The following NOP16 variants were observed in gnomAD, a reference collection of about 807,000 sequenced individuals.
NOP16 encodes NOP16 nucleolar protein.
In NOP16, 14 loss-of-function variants were observed where a neutral mutation model predicts 22.7. The observed-to-expected ratio is 0.62, with a 90% CI of 0.41 to 0.97. The LOEUF (loss-of-function observed/expected upper bound fraction) is 0.97. Ranked by LOEUF, NOP16 falls within the 50% of genes least tolerant of loss-of-function variation. NOP16 has a pLI of 0.00. For missense variants in NOP16, 198 were observed against 235.9 expected (o/e 0.84, Z 1.05); for synonymous variants, 80 against 83.6 (o/e 0.96, Z 0.23).
chr5:176,388,105 G>T, intron 2 of NOP16, 130 bp downstream of exon 2: 1 of 664,464 alleles, frequency 1.5e-6, no homozygotes. Flanking sequence ...TGAGCGTTCT[G>T]ACTGTGGGGA....
intron 3 of NOP16, chr5:176,386,094 CCTGT>C (rs1755824529): frequency 6.5e-6 from 1 of 152,674 alleles, no homozygotes. Context: ...GTTTTAGGGA[CCTGT>C]TGCACAACAA....
Position 176,388,480 on chromosome 5 carries a change from C to T in NOP16, c.60G>A (p.Lys20=). 1 of 1,614,260 alleles carries T rather than the reference C, an allele frequency of 6.2e-7. No individual in the cohort carries two copies. The highest frequency in any genetic ancestry group is 8.5e-7 in the Non-Finnish European group (1 of 1,180,050). The change falls in exon 1 of 5, where the codon AAG becomes AAA. Residue 20 remains lysine (K), a synonymous_variant. Coordinates refer to ENST00000614830, the MANE Select transcript of NOP16 (RefSeq NM_016391.8). Reference sequence around the variant, plus strand: ...TCCGTCGAGCATTCCGGTTCAGACGCTTTCGGTTGACACTGTAACCAAACT... The same window carrying T: ...TCCGTCGAGCATTCCGGTTCAGACGTTTTCGGTTGACACTGTAACCAAACT... ...RQKFGYSVNR[K]RLNRNARRKA... is the part of the protein sequence containing the mutation.
At chr5:176,384,434 C>T (rs1253560170) in intron 4 of NOP16, 60 bp from the exon 5 acceptor site, 5 of 1,531,120 alleles carry the variant, frequency 3.3e-6, no homozygotes, top group Non-Finnish European at 4.4e-6. Flanking sequence ...AATCTGAACT[C>T]ATCCTGAATT....
chr5:176,388,256 CGCCCTGTTGGGGTCCACA>C lies in NOP16; in HGVS notation c.177_194del (p.Asp61_Val66del), dbSNP rs1756053280. On this transcript the variant is annotated inframe_deletion, in exon 2 of 5. Transcript: ENST00000614830. Reference sequence around the variant, plus strand: ...GTACCTTTCTCTTACGGAGGGGCACCGCCCTGTTGGGGTCCACAGCCAACCCCATCTCGGCCAGGTTCT... The same window carrying C: ...GTACCTTTCTCTTACGGAGGGGCACCGCCAACCCCATCTCGGCCAGGTTCT... 1 of 1,612,964 alleles carries C rather than the reference CGCCCTGTTGGGGTCCACA, an allele frequency of 6.2e-7. No individual in the cohort carries two copies. The highest frequency in any genetic ancestry group is 8.5e-7 in the Non-Finnish European group (1 of 1,179,100).
At chr5:176,384,908 A>C (rs539773040) in intron 4 of NOP16, 1 of 548,030 alleles carries the variant, frequency 1.8e-6, no homozygotes, top group Non-Finnish European at 3.2e-6. Flanking sequence ...TCAACTGTTA[A>C]AGGAAGCCAA....
chr5:176,388,381 G>A (rs758108765), intron 1 of NOP16, 38 bp from the exon 2 acceptor site: 1 of 1,612,620 alleles, frequency 6.2e-7, no homozygotes, highest in South Asian at 1.1e-5. Flanking sequence ...CCGTCATCTC[G>A]CGGACCGTCC....
At chr5:176,385,644 G>A (rs1755781311) in intron 3 of NOP16, among the ~76,000 whole-genome samples, 1 of 152,212 alleles carries the variant, frequency 6.6e-6, no homozygotes, top group Admixed American at 6.5e-5. Context: ...GCAGGTCTCA[G>A]GACAGAGATG....
In NOP16 at chr5:176,386,889, G is replaced by A. The variant is rs773904196; in HGVS notation, c.237C>T (p.Asp79=). The A allele has an allele frequency of 1.5e-5, 24 of 1,614,028 alleles. No homozygotes were observed. Among genetic ancestry groups the A allele is most frequent in the Non-Finnish European group, 2.0e-5 (24 of 1,179,952 alleles). Residue 79 remains aspartate (D), a synonymous_variant, in exon 3 of 5, where the codon GAC becomes GAT. Transcript: ENST00000614830. ...RKRKVKAMEV[D]IEERPKELVR... is the part of the protein sequence containing the mutation. The stretch of plus-strand genomic sequence containing the variant: ...CAAGCTCTTTAGGCCTCTCCTCTAT[G>A]TCCACCTCCATGGCCTTCACCTGCA...
chr5:176,386,613 C>G, intron 3 of NOP16: 1 of 635,428 alleles, frequency 1.6e-6, no homozygotes, highest in East Asian at 3.0e-5. Flanking sequence ...GGTACATCCT[C>G]CCTAAACATC....
intron 3 of NOP16, chr5:176,386,168 GTTTT>G (rs1343929575): frequency 1.3e-5 from 2 of 156,332 alleles, no homozygotes; most frequent in African/African-American, 4.8e-5. Context: ...ACTTTTATGT[GTTTT>G]TTAACCACAT....
chr5:176,385,911 AAG>A (rs1007669437), intron 3 of NOP16: 1 of 152,598 alleles, frequency 6.6e-6, no homozygotes, highest in Admixed American at 6.5e-5. Context: ...CTCATCTAGA[AAG>A]AGAGAGAAAG....
rs757268282 is a variant in NOP16, at chr5:176,384,398, A to C, written c.394-24T>G. The C allele has an allele frequency of 1.5e-5, 24 of 1,599,846 alleles. No homozygotes were observed. The Admixed American group carries it at 1.7e-4, about 11-fold the overall frequency. On this transcript the variant is annotated intron_variant, in intron 4 of 4. Transcript: ENST00000614830. Reference sequence around the variant, plus strand: ...GCCTAAGAGGAGAAGGGCTACTTTAAGGAGGGCTAGACAGGCAAAGGCTCA... The same window carrying C: ...GCCTAAGAGGAGAAGGGCTACTTTACGGAGGGCTAGACAGGCAAAGGCTCA...
chr5:176,386,532 C>T, intron 3 of NOP16: 1 of 426,746 alleles, frequency 2.3e-6, no homozygotes, highest in Admixed American at 3.4e-5. Context: ...ATCAGTTCAT[C>T]CTTAAATTCA....
At chr5:176,387,293 C>G (rs994168903) in intron 2 of NOP16, among the ~76,000 whole-genome samples, 2 of 152,040 alleles carry the variant, frequency 1.3e-5, no homozygotes, top group African/African-American at 4.8e-5. Flanking sequence ...TTGGCCAGGC[C>G]GGTCTCAAAC....
chr5:176,385,363 A>C, intron 3 of NOP16, 36 bp from the exon 4 acceptor site: 1 of 1,268,076 alleles, frequency 7.9e-7, no homozygotes, highest in Non-Finnish European at 1.2e-6. Flanking sequence ...ACAGGGAATG[A>C]GGCTTTGCTT....
Position 176,388,577 on chromosome 5 carries a change from C to T in NOP16, c.-38G>A, listed in dbSNP as rs190729915. 9.9e-5 allele frequency: 154 copies of T among 1,560,192 alleles called. No homozygotes were observed. Among genetic ancestry groups the T allele is most frequent in the Non-Finnish European group, 1.3e-4 (150 of 1,135,530 alleles). On this transcript the variant is annotated 5_prime_UTR_variant, in exon 1 of 5. Transcript: ENST00000614830. ...CGCACCAGCAGCTCAAACACGCTGCCTCTGTCTCTCAGACCTCGTGTAACA... is the reference window on the plus strand; with the variant it reads ...CGCACCAGCAGCTCAAACACGCTGCTTCTGTCTCTCAGACCTCGTGTAACA...
rs773516728 is a variant in NOP16, at chr5:176,386,924, G to A, written c.217-15C>T. On this transcript the variant is annotated splice_polypyrimidine_tract_variant and intron_variant, in intron 2 of 4. Transcript: ENST00000614830. ...ATGGCCTTCACCTGCAGAGAACAGAGCCCTTGAGACCAGAAGGATCTTTGA... is the reference window on the plus strand; with the variant it reads ...ATGGCCTTCACCTGCAGAGAACAGAACCCTTGAGACCAGAAGGATCTTTGA... The A allele has an allele frequency of 8.7e-6, 14 of 1,612,264 alleles. No homozygotes were observed. The highest frequency in any genetic ancestry group is 1.7e-5 in the Admixed American group (1 of 59,972).
At chr5:176,387,654 C>A (rs1423066493) in intron 2 of NOP16, among the ~76,000 whole-genome samples, 6 of 152,160 alleles carry the variant, frequency 3.9e-5, no homozygotes, top group Admixed American at 6.5e-5. Flanking sequence ...AACCTGGATT[C>A]TTTTAATAGT....
chr5:176,385,481 T>C (rs1336934012), intron 3 of NOP16, among the ~76,000 whole-genome samples, 154 bp from the exon 4 acceptor site: 1 of 152,192 alleles, frequency 6.6e-6, no homozygotes, highest in East Asian at 1.9e-4. Context: ...AAATCCATTG[T>C]TGGAACCTCC....
Sources: gnomAD v4.1 joint callset for allele counts (sites outside exome capture counted in the v4.1 genomes callset) on GRCh38, gnomAD v4.1.1 for gene constraint, MANE v1.5 for transcripts, NCBI Gene and HGNC (gene_info 2026-07-23, HGNC 2026-07-21) for gene names.